The following NRG3 variants were observed in gnomAD, a reference collection of about 807,000 sequenced individuals.
NRG3 encodes pro-neuregulin-3, membrane-bound isoform.
A neutral mutation model predicts 66.9 loss-of-function variants in NRG3; 31 were observed. The ratio of observed to expected loss-of-function variants is 0.46; its 90% CI spans 0.35 to 0.63. The LOEUF is 0.63. Ranked by LOEUF, NRG3 falls within the 20% of genes least tolerant of loss-of-function variation. The pLI, the probability that NRG3 is intolerant of heterozygous loss-of-function variation, is 0.00. For synonymous variants in NRG3, 393 were observed against 359.4 expected, an observed-to-expected ratio of 1.09 and a Z score of -1.06; for missense variants, 910 against 878.9, an observed-to-expected ratio of 1.04 and a Z score of -0.45.
At chr10:82,520,223 T>C (rs1163335321) in intron 2 of NRG3, among the ~76,000 whole-genome samples, 1 of 150,646 alleles carries the variant, frequency 6.6e-6, no homozygotes, top group Non-Finnish European at 1.5e-5. Flanking sequence ...TGGAATAAGA[T>C]GATTTTCTGT....
chr10:82,652,505 G>T (rs1053236192), intron 2 of NRG3, among the ~76,000 whole-genome samples: 1 of 152,136 alleles, frequency 6.6e-6, no homozygotes, highest in Non-Finnish European at 1.5e-5. Context: ...GGCCCTCAAG[G>T]TTTCCCTCTG....
At chr10:82,093,075 G>T (rs567852892) in intron 1 of NRG3, among the ~76,000 whole-genome samples, 2 of 152,204 alleles carry the variant, frequency 1.3e-5, no homozygotes, top group South Asian at 4.2e-4. Flanking sequence ...TCTTGTCAAG[G>T]TCTAAGATTT....
At chr10:81,997,358 C>T (rs1022774100) in intron 1 of NRG3, among the ~76,000 whole-genome samples, 4 of 152,206 alleles carry the variant, frequency 2.6e-5, no homozygotes, top group East Asian at 1.9e-4. Flanking sequence ...GGATGTCCTT[C>T]GCCTCCAGCC....
At chr10:82,491,293 A>AATATATATATATAC (rs1554942717) in intron 2 of NRG3, among the ~76,000 whole-genome samples, 1 of 82,188 alleles carries the variant, frequency 1.2e-5, no homozygotes. Flanking sequence ...GTTCCCATAA[A>AATATATATATATAC]ATATATATAT....
At chr10:82,659,395 C>T (rs1591056627) in intron 2 of NRG3, among the ~76,000 whole-genome samples, 2 of 152,024 alleles carry the variant, frequency 1.3e-5, no homozygotes, top group African/African-American at 4.8e-5. Context: ...TGGTGGCTCA[C>T]GCCTGTAATT....
intron 4 of NRG3, among the ~76,000 whole-genome samples, chr10:82,901,287 T>A (rs1022048747): frequency 6.6e-6 from 1 of 152,180 alleles, no homozygotes; most frequent in Admixed American, 6.5e-5. Flanking sequence ...AATTTGAATT[T>A]TTTTTGTCTT....
intron 2 of NRG3, among the ~76,000 whole-genome samples, chr10:82,716,158 G>GTGATTGAC (rs2134445761): frequency 6.6e-6 from 1 of 152,182 alleles, no homozygotes; most frequent in South Asian, 2.1e-4. Flanking sequence ...AAAAACCCGA[G>GTGATTGAC]TGATTGACAG....
At chr10:82,839,930 C>T (rs139886593) in intron 3 of NRG3, among the ~76,000 whole-genome samples, 1 of 152,144 alleles carries the variant, frequency 6.6e-6, no homozygotes, top group African/African-American at 2.4e-5. Flanking sequence ...ATCTCCAATT[C>T]CAATTCAGTG....
At chr10:82,506,734 A>AT (rs1363369969) in intron 2 of NRG3, among the ~76,000 whole-genome samples, 1 of 152,124 alleles carries the variant, frequency 6.6e-6, no homozygotes, top group African/African-American at 2.4e-5. Flanking sequence ...CAGTCTAACA[A>AT]TTTTTTATGC....
intron 5 of NRG3, 106 bp downstream of exon 5, chr10:82,951,677 G>A (rs1849526145): frequency 2.2e-6 from 2 of 921,616 alleles, no homozygotes; most frequent in African/African-American, 3.3e-5. Context: ...CTGTGGAAAT[G>A]GGTCTAGCAA....
chr10:82,033,004 A>G (rs2062638027), intron 1 of NRG3, among the ~76,000 whole-genome samples: 1 of 152,152 alleles, frequency 6.6e-6, no homozygotes, highest in Non-Finnish European at 1.5e-5. Flanking sequence ...CATATTAAAT[A>G]TTTAACTCAT....
intron 1 of NRG3, among the ~76,000 whole-genome samples, chr10:82,194,748 A>C (rs898512521): frequency 6.6e-6 from 1 of 152,164 alleles, no homozygotes; most frequent in Non-Finnish European, 1.5e-5. Flanking sequence ...GCGTTGAATA[A>C]TAGATATTAT....
chr10:82,027,747 GAT>G (rs1202502308), intron 1 of NRG3, among the ~76,000 whole-genome samples: 1 of 152,060 alleles, frequency 6.6e-6, no homozygotes, highest in Non-Finnish European at 1.5e-5. Context: ...TAGGTGAGGG[GAT>G]TGCAGTCTCT....
chr10:82,740,854 A>G (rs1181604427), intron 3 of NRG3, among the ~76,000 whole-genome samples: 1 of 150,996 alleles, frequency 6.6e-6, no homozygotes, highest in Non-Finnish European at 1.5e-5. Flanking sequence ...AAAAAATTAT[A>G]CCTCTCTGAA....
chr10:82,503,320 G>C (rs528770050), intron 2 of NRG3, among the ~76,000 whole-genome samples: 4 of 152,322 alleles, frequency 2.6e-5, no homozygotes, highest in African/African-American at 7.2e-5. Flanking sequence ...CACATGGACT[G>C]AATCATTAGC....
chr10:82,017,414 T>C (rs1029011672), intron 1 of NRG3, among the ~76,000 whole-genome samples: 3 of 152,212 alleles, frequency 2.0e-5, no homozygotes, highest in African/African-American at 7.2e-5. Context: ...TGCATGTGTC[T>C]TTATAGCAGC....
chr10:82,004,358 TAGAG>T (rs1425583679), intron 1 of NRG3, among the ~76,000 whole-genome samples: 1 of 152,128 alleles, frequency 6.6e-6, no homozygotes, highest in African/African-American at 2.4e-5. Flanking sequence ...GATAATCTAG[TAGAG>T]AGAAAGAAAC....
intron 1 of NRG3, among the ~76,000 whole-genome samples, chr10:82,115,320 G>A (rs2067641615): frequency 6.6e-6 from 1 of 152,096 alleles, no homozygotes; most frequent in Non-Finnish European, 1.5e-5. Flanking sequence ...TATAACCACA[G>A]CTTTTCAATC....
At chr10:82,095,975 A>T (rs768162892) in intron 1 of NRG3, among the ~76,000 whole-genome samples, 8 of 152,300 alleles carry the variant, frequency 5.3e-5, no homozygotes, top group Non-Finnish European at 1.2e-4. Context: ...AAGTAGAAAG[A>T]GAGACTCACA....
Sources: gnomAD v4.1 joint callset for allele counts (sites outside exome capture counted in the v4.1 genomes callset) on GRCh38, gnomAD v4.1.1 for gene constraint, MANE v1.5 for transcripts, NCBI Gene and HGNC (gene_info 2026-07-23, HGNC 2026-07-21) for gene names.